CHP1: variants seen among roughly 807,000 people sequenced by gnomAD.
CHP1 encodes calcineurin B homologous protein 1.
A neutral mutation model predicts 27.4 loss-of-function variants in CHP1; 11 were observed. The observed-to-expected ratio is 0.40, with a 90% CI of 0.25 to 0.67. CHP1 has a LOEUF of 0.67. Among genes scored for constraint, CHP1 ranks in the 30% least tolerant of loss-of-function variants. The pLI is 0.38. For missense variants in CHP1, 169 were observed against 251.3 expected (o/e 0.67, Z 2.22); for synonymous variants, 89 against 87.4 (o/e 1.02, Z -0.10).
intron 1 of CHP1, among the ~76,000 whole-genome samples, chr15:41,242,534 G>A (rs942203089): frequency 2.6e-5 from 4 of 151,856 alleles, no homozygotes; most frequent in African/African-American, 7.3e-5. Flanking sequence ...CACGAGAATC[G>A]CTTGAACCCA....
chr15:41,254,014 G>A (rs1191897805), intron 2 of CHP1, among the ~76,000 whole-genome samples: 1 of 150,758 alleles, frequency 6.6e-6, no homozygotes, highest in Non-Finnish European at 1.5e-5. Flanking sequence ...GGCTGGTCTC[G>A]AACTCCTAGC....
In CHP1 at chr15:41,261,139, C is replaced by T. The variant is rs552033100; in HGVS notation, c.222-1617C>T. ...TTTCCTTTCCTTTTCCTTCCTTTTCCTTTCCTTTCCCTTTCCTTTCCTTTT... is the reference window on the plus strand; with the variant it reads ...TTTCCTTTCCTTTTCCTTCCTTTTCTTTTCCTTTCCCTTTCCTTTCCTTTT... On this transcript the variant is annotated intron_variant, in intron 3 of 6. Coordinates refer to ENST00000334660, the MANE Select transcript of CHP1 (RefSeq NM_007236.5). Among the ~76,000 whole-genome samples the T allele has an allele frequency of 1.3e-4, 19 of 148,072 alleles. No individual in the cohort carries two copies. The South Asian group carries it at 1.5e-3, about 12-fold the overall frequency.
intron 6 of CHP1, 27 bp downstream of exon 6, chr15:41,278,916 A>C (rs755497222): frequency 5.0e-6 from 8 of 1,613,254 alleles, no homozygotes; most frequent in Middle Eastern, 3.4e-4. Flanking sequence ...TTGTTTGAAA[A>C]AGTTACGTTT....
At chr15:41,273,252 T>C (rs999274265) in intron 5 of CHP1, among the ~76,000 whole-genome samples, 2 of 152,114 alleles carry the variant, frequency 1.3e-5, no homozygotes, top group Non-Finnish European at 2.9e-5. Flanking sequence ...TCAAAGTTGG[T>C]TTAACATTAG....
In CHP1 at chr15:41,262,864, C is replaced by T; in HGVS notation, c.330C>T (p.Ser110=). The T allele has an allele frequency of 6.2e-7, 1 of 1,614,088 alleles. No homozygotes were observed. The change falls in exon 4 of 7, where the codon AGC becomes AGT. Residue 110 remains serine, a synonymous_variant. Coordinates refer to ENST00000334660, the MANE Select transcript of CHP1 (RefSeq NM_007236.5). ...TGAATGGACCCGAACCACTCAACAG[C>T]CGAAGCAACAAACTGCACTGTAAGG... ...KDVNGPEPLN[S]RSNKLHFAFR...
intron 4 of CHP1, 106 bp from the exon 5 acceptor site, chr15:41,270,451 G>T (rs2047482936): frequency 3.7e-6 from 3 of 811,874 alleles, no homozygotes; most frequent in South Asian, 3.1e-5. Context: ...TTGGAAAATC[G>T]ATTAATTGGC....
chr15:41,235,260 T>C lies in CHP1; in HGVS notation c.67+3811T>C, dbSNP rs148326671. Among the ~76,000 whole-genome samples, 33 of 142,186 alleles carry C rather than the reference T, an allele frequency of 2.3e-4. No homozygotes were observed. In the East Asian group the frequency reaches 6.8e-3, roughly 29 times the overall value. The allele number at this position is 142,186 out of a possible 152,430, so 93.3% of individuals were successfully genotyped here. On this transcript the variant is annotated intron_variant, in intron 1 of 6. Coordinates refer to ENST00000334660, the MANE Select transcript of CHP1 (RefSeq NM_007236.5). ...GAGGCCAGGCGCAGTGGCTCACACC[T>C]GTAGTTCCAGCACTTTGGGAGGCCA...
intron 2 of CHP1, among the ~76,000 whole-genome samples, chr15:41,248,807 T>C (rs2047349213): frequency 6.6e-6 from 1 of 152,086 alleles, no homozygotes; most frequent in Non-Finnish European, 1.5e-5. Context: ...TAGAAGAAAT[T>C]AGCCAATTGT....
At position 41,262,774 on chromosome 15, in the gene CHP1, C is replaced by T. The variant is rs761419711; in HGVS notation, c.240C>T (p.Phe80=). 1 of 1,612,860 alleles carries T rather than the reference C, an allele frequency of 6.2e-7. No individual in the cohort carries two copies. Among genetic ancestry groups the T allele is most frequent in the Non-Finnish European group, 8.5e-7 (1 of 1,179,918 alleles). ...FFPEGEDQVN[F]RGFMRTLAHF... is the part of the protein sequence containing the mutation. ...CAATCAGAGAGGACCAGGTAAACTT[C>T]CGTGGATTCATGCGAACTTTGGCTC... The change falls in exon 4 of 7, where the codon TTC becomes TTT. Residue 80 remains phenylalanine, a synonymous_variant. Coordinates refer to ENST00000334660, the MANE Select transcript of CHP1 (RefSeq NM_007236.5).
At chr15:41,260,862 G>T (rs2047429238) in intron 3 of CHP1, among the ~76,000 whole-genome samples, 1 of 151,976 alleles carries the variant, frequency 6.6e-6, no homozygotes, top group South Asian at 2.1e-4. Context: ...TATCTGAAAA[G>T]CATAGAAAAG....
At chr15:41,274,909 GCCT>G (rs2047512106) in intron 5 of CHP1, among the ~76,000 whole-genome samples, 1 of 147,872 alleles carries the variant, frequency 6.8e-6, no homozygotes, top group Non-Finnish European at 1.5e-5. Flanking sequence ...TCCTCCCATA[GCCT>G]CCTGAGTAGC....
chr15:41,249,419 G>A (rs1315565120), intron 2 of CHP1, among the ~76,000 whole-genome samples: 1 of 148,120 alleles, frequency 6.8e-6, no homozygotes, highest in African/African-American at 2.5e-5. Context: ...CTCCCAAAGT[G>A]CTGGGACTAC....
Position 41,270,813 on chromosome 15 carries a change from A to G in CHP1, c.411+195A>G, listed in dbSNP as rs575681659. On this transcript the variant is annotated intron_variant, in intron 5 of 6. Coordinates refer to ENST00000334660, the MANE Select transcript of CHP1 (RefSeq NM_007236.5). ...TGTGTTTTCATAGACAGATGTCTCC[A>G]CTATTTAAAAGCTAACTAGGCTGGG... Among the ~76,000 whole-genome samples, 367 of 152,298 alleles carry G rather than the reference A, an allele frequency of 2.4e-3. 2 individuals are homozygous for G. Among genetic ancestry groups the G allele is most frequent in the Non-Finnish European group, 3.6e-3 (245 of 68,018 alleles).
In CHP1 at chr15:41,279,481, C is replaced by G. The variant is rs1214257180; in HGVS notation, c.*92C>G. The G allele has an allele frequency of 9.4e-7, 1 of 1,063,104 alleles. No individual in the cohort carries two copies. Among genetic ancestry groups the G allele is most frequent in the East Asian group, 2.4e-5 (1 of 40,846 alleles). 65.9% of individuals were successfully genotyped at this position (1,063,104 alleles called of 1,614,324 possible). On this transcript the variant is annotated 3_prime_UTR_variant, in exon 7 of 7. Coordinates refer to ENST00000334660, the MANE Select transcript of CHP1 (RefSeq NM_007236.5). ...AACTCCACCTCCACCCCCTCATTCC[C>G]CTTCTCCCAAAGTACTACTGCTGTT...
chr15:41,244,135 T>A (rs1231047979), intron 2 of CHP1, among the ~76,000 whole-genome samples: 2 of 146,514 alleles, frequency 1.4e-5, no homozygotes, highest in Non-Finnish European at 3.0e-5. Context: ...GAGGCAGAGG[T>A]CGCAGTGAGC....
At chr15:41,239,806 C>T (rs2047296711) in intron 1 of CHP1, among the ~76,000 whole-genome samples, 1 of 149,626 alleles carries the variant, frequency 6.7e-6, no homozygotes, top group Non-Finnish European at 1.5e-5. Flanking sequence ...GACAGAGTCT[C>T]CTCTCTGTCA....
chr15:41,274,591 T>G lies in CHP1; in HGVS notation c.411+3973T>G, dbSNP rs544336852. 2.0e-5 allele frequency among the ~76,000 whole-genome samples: 3 copies of G among 152,096 alleles called. No homozygotes were observed. In the East Asian group the frequency reaches 5.8e-4, roughly 29 times the overall value. On this transcript the variant is annotated intron_variant, in intron 5 of 6. Transcript: ENST00000334660. ...GAAATGATGTTAAAGACACCACTAC[T>G]TTTATCCCGACCCTCCGACTCACAC... is the stretch of plus-strand genomic sequence containing the variant.
intron 5 of CHP1, among the ~76,000 whole-genome samples, chr15:41,274,677 T>C (rs941116394): frequency 2.0e-5 from 3 of 151,990 alleles, no homozygotes; most frequent in African/African-American, 7.2e-5. Flanking sequence ...TCAGAAAAAT[T>C]TGGTCTGGGA....
Position 41,243,866 on chromosome 15 carries a change from T to G in CHP1, c.140+127T>G, listed in dbSNP as rs1465018002. On this transcript the variant is annotated intron_variant, in intron 2 of 6. Coordinates refer to ENST00000334660, the MANE Select transcript of CHP1 (RefSeq NM_007236.5). Reference sequence around the variant, plus strand: ...GCATGCAGATAGCAAGGACCATTTCTCTACTGGTCTTTGAGCATCATTGAT... The same window carrying G: ...GCATGCAGATAGCAAGGACCATTTCGCTACTGGTCTTTGAGCATCATTGAT... 5.5e-6 allele frequency: 4 copies of G among 721,550 alleles called. No homozygotes were observed. The African/African-American group carries it at 7.1e-5, about 13-fold the overall frequency. 44.7% of individuals were successfully genotyped at this position (721,550 alleles called of 1,614,324 possible).
Sources: gnomAD v4.1 joint callset for allele counts (sites outside exome capture counted in the v4.1 genomes callset) on GRCh38, gnomAD v4.1.1 for gene constraint, MANE v1.5 for transcripts, NCBI Gene and HGNC (gene_info 2026-07-23, HGNC 2026-07-21) for gene names.